Variants in DPM2 observed in about 807,000 individuals in gnomAD.
DPM2 encodes the protein dolichyl-phosphate mannosyltransferase subunit 2, regulatory.
DPM2 carries 8 observed loss-of-function variants against 12.1 expected under a neutral mutation model. That is an observed-to-expected ratio of 0.66 (90% CI 0.39 to 1.19). The LOEUF is 1.19. Ranked by LOEUF, DPM2 falls within the 50% of genes most tolerant of loss-of-function variation. DPM2 has a pLI of 0.01. For missense variants in DPM2, 93 were observed against 102.5 expected (o/e 0.91, Z 0.40); for synonymous variants, 38 against 44.7 (o/e 0.85, Z 0.60).
Position 127,937,457 on chromosome 9 carries a change from A to G in DPM2, c.70T>C (p.Tyr24His). 6.2e-7 allele frequency: 1 copy of G among 1,613,722 alleles called. No homozygotes were observed. The highest frequency in any genetic ancestry group is 1.1e-5 in the South Asian group (1 of 91,058). The part of the protein sequence containing the change: ...VAVSLIIFTY[Y>H]TAWVILLPFI... ...ACCAAGAGAATCACCCAGGCGGTGT[A>G]GTAGGTGAAGATGATCAGGCTAACG... The change falls in exon 2 of 4, where the codon TAC (tyrosine) becomes CAC (histidine). Residue 24 changes from tyrosine to histidine, a missense_variant. Transcript: ENST00000314392.
chr9:127,937,202 A>C, intron 2 of DPM2: 1 of 418,562 alleles, frequency 2.4e-6, no homozygotes, highest in Non-Finnish European at 4.3e-6. Flanking sequence ...AAACAGAGTT[A>C]TAAGTGTAGC....
In DPM2 at chr9:127,936,668, G is replaced by T; in HGVS notation, c.94-13C>A. On this transcript the variant is annotated splice_polypyrimidine_tract_variant and intron_variant, in intron 2 of 3. Coordinates refer to ENST00000314392, the MANE Select transcript of DPM2 (RefSeq NM_003863.4). The stretch of plus-strand genomic sequence containing the variant: ...TGTCGATGAATGGCTGGCATCGAGG[G>T]AAGAGCTCTGGTGTGTCTTGCTTGC... 1 of 1,492,880 alleles carries T rather than the reference G, an allele frequency of 6.7e-7. No individual in the cohort carries two copies. Among genetic ancestry groups the T allele is most frequent in the Non-Finnish European group, 8.9e-7 (1 of 1,122,206 alleles). 92.5% of individuals were successfully genotyped at this position (1,492,880 alleles called of 1,614,324 possible).
In DPM2 at chr9:127,936,121, C is replaced by A. The variant is rs1831500740; in HGVS notation, c.197-341G>T. On this transcript the variant is annotated intron_variant, in intron 3 of 3. Transcript: ENST00000314392. The stretch of plus-strand genomic sequence containing the variant: ...TCCTACACCTCACCCACCCACCCAT[C>A]CATCCACCCATCATCCAGGCACCCG... 2.7e-5 allele frequency: 17 copies of A among 635,664 alleles called. No homozygotes were observed. The East Asian group carries it at 3.3e-4, about 12-fold the overall frequency. 39.4% of individuals were successfully genotyped at this position (635,664 alleles called of 1,614,324 possible). A position where few individuals can be genotyped will look rare whatever the true frequency, so the allele number is the denominator to read the frequency against.
intron 1 of DPM2, 86 bp downstream of exon 1, chr9:127,937,732 T>C: frequency 6.4e-7 from 1 of 1,552,692 alleles, no homozygotes; most frequent in Non-Finnish European, 8.9e-7. Context: ...CAATCCCCGT[T>C]CCAAGTGCCC....
chr9:127,936,502 G>C (rs1564141408), intron 3 of DPM2, 51 bp downstream of exon 3: 11 of 1,605,994 alleles, frequency 6.8e-6, no homozygotes, highest in Middle Eastern at 3.3e-4. Flanking sequence ...TTCAGAGGTG[G>C]GGTCTTCCCG....
At chr9:127,937,118 G>C (rs1831519504) in intron 2 of DPM2, 1 of 308,952 alleles carries the variant, frequency 3.2e-6, no homozygotes, top group African/African-American at 2.1e-5. Flanking sequence ...AATATCACTG[G>C]CGTTTGCCAT....
chr9:127,936,905 A>T, intron 2 of DPM2: 2 of 403,844 alleles, frequency 5.0e-6, no homozygotes, highest in Admixed American at 4.2e-5. Flanking sequence ...AGGGCACAAG[A>T]GACCTGCCCT....
At chr9:127,937,596 G>T in intron 1 of DPM2, 73 bp from the exon 2 acceptor site, 1 of 1,367,994 alleles carries the variant, frequency 7.3e-7, no homozygotes, top group South Asian at 1.2e-5. Flanking sequence ...GGGGCGTCGC[G>T]GCCCGATCAC....
chr9:127,936,181 C>A, intron 3 of DPM2: 1 of 1,133,766 alleles, frequency 8.8e-7, no homozygotes, highest in Non-Finnish European at 1.2e-6. Context: ...ACTTTCTGAG[C>A]ACAGCCTCAG....
chr9:127,937,711 G>C, intron 1 of DPM2, 107 bp downstream of exon 1: 2 of 1,445,170 alleles, frequency 1.4e-6, no homozygotes, highest in Non-Finnish European at 1.9e-6. Flanking sequence ...ACAATAGTGG[G>C]GGCGGGAGAG....
Position 127,937,440 on chromosome 9 carries a change from A to T in DPM2, c.87T>A (p.Ile29=). The T allele has an allele frequency of 1.2e-6, 2 of 1,612,518 alleles. No individual in the cohort carries two copies. The highest frequency in any genetic ancestry group is 1.7e-6 in the Non-Finnish European group (2 of 1,178,982). ...GACGGGGAGAATGACATACCAAGAG[A>T]ATCACCCAGGCGGTGTAGTAGGTGA... is the stretch of plus-strand genomic sequence containing the variant. ...IIFTYYTAWV[I]LLPFIDSQHV... Residue 29 remains isoleucine (I), a synonymous_variant, in exon 2 of 4, where the codon ATT becomes ATA. Coordinates refer to ENST00000314392, the MANE Select transcript of DPM2 (RefSeq NM_003863.4).
rs568108561 is a variant in DPM2, at chr9:127,935,737, G to A, written c.240C>T (p.Thr80=). 1 of 1,613,190 alleles carries A rather than the reference G, an allele frequency of 6.2e-7. No homozygotes were observed. Among genetic ancestry groups the A allele is most frequent in the East Asian group, 2.2e-5 (1 of 44,878 alleles). The change falls in exon 4 of 4, where the codon ACC becomes ACT. Residue 80 remains threonine, a synonymous_variant. Coordinates refer to ENST00000314392, the MANE Select transcript of DPM2 (RefSeq NM_003863.4). The part of the protein sequence containing the change: ...SYVMLKTKRV[T]KKAQ ...TGCGGGACCTTCACTGAGCCTTCTT[G>A]GTCACTCTCTTGGTCTTCAGCATCA...
intron 1 of DPM2, 30 bp downstream of exon 1, chr9:127,937,788 C>T (rs1831534034): frequency 6.2e-7 from 1 of 1,611,674 alleles, no homozygotes; most frequent in Admixed American, 1.7e-5. Context: ...CCCAGACGCC[C>T]CTATCTCCGG....
Position 127,935,680 on chromosome 9 carries a change from G to T in DPM2, c.*42C>A. ...CCCCACTTGGTCCCTGTGCTGGAGGGGAAGCAGAGAAGGGGCTGGCAGCCT... is the reference window on the plus strand; with the variant it reads ...CCCCACTTGGTCCCTGTGCTGGAGGTGAAGCAGAGAAGGGGCTGGCAGCCT... On this transcript the variant is annotated 3_prime_UTR_variant, in exon 4 of 4. Coordinates refer to ENST00000314392, the MANE Select transcript of DPM2 (RefSeq NM_003863.4). 6 of 1,608,202 alleles carry T rather than the reference G, an allele frequency of 3.7e-6. No individual in the cohort carries two copies. The highest frequency in any genetic ancestry group is 4.3e-6 in the Non-Finnish European group (5 of 1,175,830).
At position 127,937,469 on chromosome 9, in the gene DPM2, T is replaced by C. The variant is rs1428888365; in HGVS notation, c.58A>G (p.Ile20Val). 1.2e-6 allele frequency: 2 copies of C among 1,613,752 alleles called. No individual in the cohort carries two copies. ...GLGLVAVSLI[I>V]FTYYTAWVIL... is the part of the protein sequence containing the mutation. ...ACCCAGGCGGTGTAGTAGGTGAAGA[T>C]GATCAGGCTAACGGCGACGAGGCCG... Residue 20 changes from isoleucine to valine, a missense_variant, in exon 2 of 4, where the codon ATC becomes GTC. Physicochemically the swap from Ile to Val is conservative, Grantham distance 29. Transcript: ENST00000314392.
chr9:127,935,645 C>T lies in DPM2; in HGVS notation c.*77G>A. The T allele has an allele frequency of 4.0e-6, 6 of 1,506,034 alleles. No individual in the cohort carries two copies. Among genetic ancestry groups the T allele is most frequent in the Non-Finnish European group, 5.5e-6 (6 of 1,092,184 alleles). 93.3% of individuals were successfully genotyped at this position (1,506,034 alleles called of 1,614,324 possible). A position where few individuals can be genotyped will look rare whatever the true frequency, so the allele number is the denominator to read the frequency against. ...AGGAGCCACTGTGCCTGGACAGGTT[C>T]TGCAGGCTCCCCCACTTGGTCCCTG... is the stretch of plus-strand genomic sequence containing the variant. On this transcript the variant is annotated 3_prime_UTR_variant, in exon 4 of 4. Transcript: ENST00000314392.
chr9:127,937,724 A>G, intron 1 of DPM2, 94 bp downstream of exon 1: 1 of 1,514,882 alleles, frequency 6.6e-7, no homozygotes, highest in Non-Finnish European at 9.2e-7. Flanking sequence ...CGGGAGAGCA[A>G]TCCCCGTTCC....
intron 2 of DPM2, chr9:127,937,161 C>G: frequency 2.7e-6 from 1 of 368,296 alleles, no homozygotes; most frequent in South Asian, 7.5e-5. Flanking sequence ...CCAGAAGGAA[C>G]AGAACTCCCC....
chr9:127,937,690 T>C (rs1489678315), intron 1 of DPM2, 128 bp downstream of exon 1: 2 of 1,338,078 alleles, frequency 1.5e-6, no homozygotes, highest in African/African-American at 2.9e-5. Context: ...GGCCTCCGCG[T>C]TGTCGTCCGT....
Sources: allele counts gnomAD v4.1 joint callset, GRCh38; gene constraint gnomAD v4.1.1; transcripts MANE v1.5; gene names NCBI Gene and HGNC (gene_info 2026-07-23, HGNC 2026-07-21).